NFIB: variants seen among roughly 807,000 people sequenced by gnomAD.
NFIB encodes the protein nuclear factor 1 B-type.
In NFIB, 11 loss-of-function variants were observed where a neutral mutation model predicts 61.5. That is an observed-to-expected ratio of 0.18 (90% CI 0.11 to 0.30). NFIB has a LOEUF of 0.30. NFIB is among the 10% of genes least tolerant of loss of function. The pLI is 1.00. For synonymous variants in NFIB, 260 were observed against 216.5 expected (o/e 1.20, Z -1.76); for missense variants, 471 against 608.9 (o/e 0.77, Z 2.38).
chr9:14,241,039 G>A lies in NFIB; in HGVS notation c.563-61259C>T, dbSNP rs73415740. ...TCTCTACTCTCACAGTAATTCCAAT[G>A]GGTCTTTCTGAATCAGCCGCAGCTG... On this transcript the variant is annotated intron_variant, in intron 2 of 10. Transcript: ENST00000380953. 2.1e-3 allele frequency among the ~76,000 whole-genome samples: 318 copies of A among 152,268 alleles called. 2 individuals carry two copies. The highest frequency in any genetic ancestry group is 7.4e-3 in the African/African-American group (307 of 41,554).
chr9:14,427,563 A>C, the NFIB span, among the ~76,000 whole-genome samples: 1 of 152,312 alleles, frequency 6.6e-6, no homozygotes, highest in African/African-American at 2.4e-5. Flanking sequence ...GCTACACTAC[A>C]CAACTTGATA....
At chr9:14,201,131 A>T (rs1481773022) in intron 2 of NFIB, among the ~76,000 whole-genome samples, 1 of 152,160 alleles carries the variant, frequency 6.6e-6, no homozygotes, top group African/African-American at 2.4e-5. Flanking sequence ...ACCTCACAAT[A>T]GCCTCAGCCT....
At chr9:14,493,056 T>C in the NFIB span, among the ~76,000 whole-genome samples, 3 of 152,204 alleles carry the variant, frequency 2.0e-5, no homozygotes, top group Admixed American at 6.5e-5. Flanking sequence ...GTGATTACTA[T>C]TGCTGCTCAA....
the NFIB span, among the ~76,000 whole-genome samples, chr9:14,498,118 G>T: frequency 3.9e-5 from 6 of 152,192 alleles, no homozygotes; most frequent in Admixed American, 2.6e-4. Flanking sequence ...TTATGAGTAA[G>T]CAAAACTAAG....
chr9:14,462,289 T>C, the NFIB span, among the ~76,000 whole-genome samples: 3 of 151,908 alleles, frequency 2.0e-5, no homozygotes, highest in Middle Eastern at 3.2e-3. Context: ...TTTTTCTTTT[T>C]TCTTTTTTTT....
chr9:14,093,962 G>A (rs1405280580), intron 10 of NFIB, among the ~76,000 whole-genome samples: 1 of 151,994 alleles, frequency 6.6e-6, no homozygotes, highest in Non-Finnish European at 1.5e-5. Flanking sequence ...TATTTGCCAG[G>A]TACTGTTCTA....
rs2042322021 is a variant in NFIB, at chr9:14,146,815, A to C, written c.807-8T>G. On this transcript the variant is annotated splice_polypyrimidine_tract_variant and splice_region_variant and intron_variant, in intron 5 of 10. Coordinates refer to ENST00000380953, the MANE Select transcript of NFIB (RefSeq NM_001190737.2). ...ATAGTTTTGGGTCTTTTGCTGTTAA[A>C]ATATGGCAATAGTTATATTAATGGG... The C allele has an allele frequency of 6.2e-7, 1 of 1,603,478 alleles. No individual in the cohort carries two copies.
exon 1 of NFIB, chr9:14,398,951 G>A (rs1039741190): frequency 1.1e-5 from 3 of 281,608 alleles, no homozygotes; most frequent in African/African-American, 2.2e-5. Flanking sequence ...TTCAGTGTAG[G>A]CATTTGATCA....
At chr9:14,301,351 CAA>C (rs1335039459) in intron 2 of NFIB, among the ~76,000 whole-genome samples, 13 of 152,188 alleles carry the variant, frequency 8.5e-5, no homozygotes, top group Admixed American at 7.9e-4. Context: ...TTTTACCACA[CAA>C]GAGACATTGT....
At chr9:14,484,323 A>G in the NFIB span, among the ~76,000 whole-genome samples, 1 of 152,144 alleles carries the variant, frequency 6.6e-6, no homozygotes, top group Admixed American at 6.5e-5. Context: ...AAATGTTATA[A>G]CTGAATAGAT....
intron 2 of NFIB, among the ~76,000 whole-genome samples, chr9:14,286,766 T>C (rs1395963530): frequency 6.6e-6 from 1 of 151,178 alleles, no homozygotes. Flanking sequence ...AGGTGCTCAG[T>C]GAATAGTTGT....
In NFIB at chr9:14,084,549, C is replaced by T. The variant is rs910668985; in HGVS notation, c.*3760G>A. ...TCCTTAGACAAGCCTCAAATGCTCA[C>T]GTCACTCCAGGGGTAACACGCTTCA... On this transcript the variant is annotated 3_prime_UTR_variant, in exon 11 of 11. Coordinates refer to ENST00000380953, the MANE Select transcript of NFIB (RefSeq NM_001190737.2). The T allele has an allele frequency of 2.6e-5, 6 of 226,906 alleles. No homozygotes were observed. The highest frequency in any genetic ancestry group is 1.3e-3 in the Middle Eastern group (1 of 760). 14.1% of individuals were successfully genotyped at this position (226,906 alleles called of 1,614,324 possible).
chr9:14,418,853 A>G, the NFIB span, among the ~76,000 whole-genome samples: 1 of 152,198 alleles, frequency 6.6e-6, no homozygotes, highest in East Asian at 1.9e-4. Flanking sequence ...TGGTATATGC[A>G]TAAGTCAGAG....
intron 2 of NFIB, chr9:14,305,949 A>C (rs754130837): frequency 7.5e-7 from 1 of 1,335,160 alleles, no homozygotes; most frequent in Admixed American, 3.2e-5. Context: ...TGATTGTTTT[A>C]CTATGGATTG....
intron 2 of NFIB, among the ~76,000 whole-genome samples, chr9:14,194,743 G>C (rs761817809): frequency 2.0e-4 from 31 of 152,116 alleles, no homozygotes; most frequent in Non-Finnish European, 4.1e-4. Flanking sequence ...CTGAGAAATA[G>C]GTTGAAACAG....
chr9:14,128,379 A>T (rs2039959206), intron 6 of NFIB, among the ~76,000 whole-genome samples: 1 of 152,216 alleles, frequency 6.6e-6, no homozygotes, highest in African/African-American at 2.4e-5. Context: ...TAGAATAAAT[A>T]ATAAAGCATA....
intron 6 of NFIB, among the ~76,000 whole-genome samples, chr9:14,137,210 T>C (rs976994863): frequency 3.3e-5 from 5 of 152,198 alleles, no homozygotes; most frequent in African/African-American, 1.2e-4. Flanking sequence ...TAGGAGACAC[T>C]GATTCCATAA....
At chr9:14,189,717 G>A (rs1258206086) in intron 2 of NFIB, among the ~76,000 whole-genome samples, 2 of 150,082 alleles carry the variant, frequency 1.3e-5, no homozygotes, top group Admixed American at 6.7e-5. Flanking sequence ...AAACCCATGG[G>A]GTCAAGAAAC....
intron 1 of NFIB, among the ~76,000 whole-genome samples, chr9:14,382,277 T>G (rs998101553): frequency 6.6e-6 from 1 of 152,056 alleles, no homozygotes; most frequent in Non-Finnish European, 1.5e-5. Context: ...TAGCTCATGT[T>G]TGAGAACACA....
Sources: allele counts gnomAD v4.1 joint callset (sites outside exome capture counted in the v4.1 genomes callset), GRCh38; gene constraint gnomAD v4.1.1; transcripts MANE v1.5; gene names NCBI Gene and HGNC (gene_info 2026-07-23, HGNC 2026-07-21).